The following SKAP2 variants were observed in gnomAD, a reference collection of about 807,000 sequenced individuals.
The protein encoded by SKAP2 is src kinase associated phosphoprotein 2, also known as src kinase-associated phosphoprotein 2.
A neutral mutation model predicts 54.9 loss-of-function variants in SKAP2; 28 were observed. That is an observed-to-expected ratio of 0.51 (90% CI 0.38 to 0.70). The LOEUF (loss-of-function observed/expected upper bound fraction) is 0.70. SKAP2 is among the 30% of genes least tolerant of loss of function. The pLI is 0.00. For synonymous variants in SKAP2, 137 were observed against 134.3 expected (o/e 1.02, Z -0.14); for missense variants, 356 against 424.1 (o/e 0.84, Z 1.41).
intron 4 of SKAP2, among the ~76,000 whole-genome samples, chr7:26,823,232 C>T (rs1245703534): frequency 1.3e-5 from 2 of 151,872 alleles, no homozygotes; most frequent in Admixed American, 1.3e-4. Flanking sequence ...TTGAGACCAG[C>T]CTGTCCAACA....
In SKAP2 at chr7:26,864,376, C is replaced by T; in HGVS notation, c.54G>A (p.Arg18=). The change falls in exon 1 of 13, where the codon AGG becomes AGA. Residue 18 remains arginine, a synonymous_variant. Coordinates refer to ENST00000345317, the MANE Select transcript of SKAP2 (RefSeq NM_003930.5). ...SSPYPLPEEI[R]NLLADVETFV... ...CCCGCTCTTTACCTGCCAACAGGTT[C>T]CTAATTTCCTCAGGGAGGGGGTAGG... 1 of 1,613,596 alleles carries T rather than the reference C, an allele frequency of 6.2e-7. No homozygotes were observed. Among genetic ancestry groups the T allele is most frequent in the Non-Finnish European group, 8.5e-7 (1 of 1,179,724 alleles).
intron 9 of SKAP2, among the ~76,000 whole-genome samples, chr7:26,697,215 C>T (rs761930294): frequency 1.1e-4 from 16 of 152,126 alleles, no homozygotes; most frequent in Admixed American, 7.2e-4. Context: ...TTCTGTGCAC[C>T]GCAGACATTT....
chr7:26,859,870 T>C (rs967598669), intron 1 of SKAP2, among the ~76,000 whole-genome samples: 2 of 152,234 alleles, frequency 1.3e-5, no homozygotes, highest in African/African-American at 4.8e-5. Context: ...AAAAAGAGAC[T>C]TAGCTTTAAT....
intron 9 of SKAP2, among the ~76,000 whole-genome samples, chr7:26,708,115 C>T (rs995911690): frequency 6.6e-6 from 1 of 152,162 alleles, no homozygotes; most frequent in African/African-American, 2.4e-5. Flanking sequence ...ACCCTGAAAG[C>T]TGAAGGAGCA....
At chr7:26,733,449 T>C (rs936455716) in intron 6 of SKAP2, among the ~76,000 whole-genome samples, 5 of 152,000 alleles carry the variant, frequency 3.3e-5, no homozygotes, top group Non-Finnish European at 5.9e-5. Flanking sequence ...TATGGCTTTC[T>C]ATTAAGTTGT....
chr7:26,707,526 T>C (rs992202215), intron 9 of SKAP2, among the ~76,000 whole-genome samples: 9 of 152,214 alleles, frequency 5.9e-5, no homozygotes, highest in African/African-American at 2.2e-4. Flanking sequence ...AAGTCTTCAC[T>C]GCAGTGTTAA....
chr7:26,712,778 G>T (rs1463422321), intron 9 of SKAP2, among the ~76,000 whole-genome samples: 2 of 152,100 alleles, frequency 1.3e-5, no homozygotes, highest in African/African-American at 4.8e-5. Flanking sequence ...TTCTTTTGAT[G>T]AGCTAGCTAC....
intron 11 of SKAP2, among the ~76,000 whole-genome samples, chr7:26,674,126 T>C (rs539710157): frequency 6.6e-6 from 1 of 152,148 alleles, no homozygotes; most frequent in Non-Finnish European, 1.5e-5. Context: ...TAGTTACCGA[T>C]GTGTTTGAAA....
intron 4 of SKAP2, among the ~76,000 whole-genome samples, chr7:26,759,975 G>T (rs201940788): frequency 6.7e-6 from 1 of 148,904 alleles, no homozygotes; most frequent in Non-Finnish European, 1.5e-5. Context: ...GTGAAAAAAA[G>T]ATGCATTTCC....
At chr7:26,713,086 A>G (rs1787344735) in intron 9 of SKAP2, among the ~76,000 whole-genome samples, 1 of 151,908 alleles carries the variant, frequency 6.6e-6, no homozygotes, top group Non-Finnish European at 1.5e-5. Context: ...TCTCATTTTA[A>G]CCTCTCTGCC....
chr7:26,793,259 T>C (rs1783706645), intron 4 of SKAP2, among the ~76,000 whole-genome samples: 1 of 152,218 alleles, frequency 6.6e-6, no homozygotes, highest in Non-Finnish European at 1.5e-5. Flanking sequence ...GAAATTATAC[T>C]GCTAATTCTC....
chr7:26,796,546 A>G (rs746700593), intron 4 of SKAP2, among the ~76,000 whole-genome samples: 11 of 152,266 alleles, frequency 7.2e-5, no homozygotes, highest in Non-Finnish European at 1.5e-4. Context: ...TCATGACATT[A>G]CAAGGAAAAG....
At chr7:26,827,843 G>T (rs1345626230) in intron 4 of SKAP2, among the ~76,000 whole-genome samples, 2 of 152,234 alleles carry the variant, frequency 1.3e-5, no homozygotes, top group Non-Finnish European at 1.5e-5. Context: ...GTAACAAATA[G>T]ATCACAAATC....
chr7:26,825,818 G>A (rs577608936), intron 4 of SKAP2, among the ~76,000 whole-genome samples: 52 of 152,104 alleles, frequency 3.4e-4, no homozygotes, highest in African/African-American at 1.2e-3. Context: ...CTCCTCTAAT[G>A]AACTTGAAAT....
chr7:26,754,773 G>A (rs1247522696), intron 4 of SKAP2, among the ~76,000 whole-genome samples: 1 of 152,202 alleles, frequency 6.6e-6, no homozygotes, highest in Non-Finnish European at 1.5e-5. Flanking sequence ...GAGCAGTTCA[G>A]TGCTCCCTCA....
At chr7:26,695,798 C>A (rs970001304) in intron 9 of SKAP2, among the ~76,000 whole-genome samples, 1 of 152,182 alleles carries the variant, frequency 6.6e-6, no homozygotes, top group African/African-American at 2.4e-5. Context: ...CCTTCCTCAC[C>A]TCTAGCTTTT....
At chr7:26,787,368 G>C (rs543920592) in intron 4 of SKAP2, among the ~76,000 whole-genome samples, 1 of 152,040 alleles carries the variant, frequency 6.6e-6, no homozygotes, top group Non-Finnish European at 1.5e-5. Flanking sequence ...TGCCACCTAG[G>C]CTGGAGTGCG....
intron 4 of SKAP2, among the ~76,000 whole-genome samples, chr7:26,796,572 T>C (rs1002302820): frequency 2.4e-4 from 36 of 152,364 alleles, no homozygotes; most frequent in African/African-American, 8.2e-4. Context: ...TTGCTTGATA[T>C]GTACCATAGA....
the SKAP2 span, among the ~76,000 whole-genome samples, chr7:26,657,468 T>G: frequency 6.6e-6 from 1 of 152,220 alleles, no homozygotes; most frequent in Admixed American, 6.5e-5. Flanking sequence ...CAAAAAACAC[T>G]GATTGCTGCA....
Sources: allele counts gnomAD v4.1 joint callset (sites outside exome capture counted in the v4.1 genomes callset), GRCh38; gene constraint gnomAD v4.1.1; transcripts MANE v1.5; gene names NCBI Gene and HGNC (gene_info 2026-07-23, HGNC 2026-07-21).